Variants in FILIP1L observed in about 807,000 individuals in gnomAD.
The protein encoded by FILIP1L is filamin A-interacting protein 1-like.
In FILIP1L, 55 loss-of-function variants were observed where a neutral mutation model predicts 96.6. The ratio of observed to expected loss-of-function variants is 0.57; its 90% CI spans 0.46 to 0.71. The LOEUF is 0.71. Ranked by LOEUF, FILIP1L falls within the 30% of genes least tolerant of loss-of-function variation. The probability of loss-of-function intolerance (pLI) is 0.00; values close to 1 mark genes in which losing one functional copy is unlikely to be tolerated. For missense variants in FILIP1L, 1,304 were observed against 1,321.2 expected (o/e 0.99, Z 0.20); for synonymous variants, 467 against 473.9 (o/e 0.99, Z 0.19).
At chr3:100,103,431 G>A (rs369985076) in intron 1 of FILIP1L, among the ~76,000 whole-genome samples, 1 of 152,210 alleles carries the variant, frequency 6.6e-6, no homozygotes, top group Admixed American at 6.5e-5. Flanking sequence ...TGGGATAACT[G>A]TTTTAATATT....
intron 1 of FILIP1L, among the ~76,000 whole-genome samples, chr3:100,108,704 G>A (rs182541202): frequency 1.3e-5 from 2 of 152,260 alleles, no homozygotes; most frequent in Admixed American, 1.3e-4. Context: ...ACAGTGTCTG[G>A]CACTCGTTTG....
intron 1 of FILIP1L, among the ~76,000 whole-genome samples, chr3:99,961,603 AT>A (rs1362536762): frequency 6.6e-6 from 1 of 152,078 alleles, no homozygotes; most frequent in Non-Finnish European, 1.5e-5. Flanking sequence ...TTGCCATATT[AT>A]TTTGGGGAGC....
intron 5 of FILIP1L, among the ~76,000 whole-genome samples, chr3:99,835,925 A>G (rs1942877946): frequency 6.6e-6 from 1 of 152,192 alleles, no homozygotes; most frequent in African/African-American, 2.4e-5. Context: ...TACAAACAGC[A>G]TGATCAAAGG....
At chr3:99,859,369 A>G (rs1042702923) in intron 4 of FILIP1L, among the ~76,000 whole-genome samples, 2 of 152,264 alleles carry the variant, frequency 1.3e-5, no homozygotes, top group Non-Finnish European at 1.5e-5. Context: ...TGATGATACC[A>G]AAGCTTGTTT....
chr3:99,883,634 C>G (rs1705801287), intron 4 of FILIP1L, among the ~76,000 whole-genome samples: 1 of 152,242 alleles, frequency 6.6e-6, no homozygotes, highest in African/African-American at 2.4e-5. Context: ...ACTGCACACC[C>G]AAATGTTGTC....
chr3:99,999,274 T>C (rs1709774522), intron 1 of FILIP1L, among the ~76,000 whole-genome samples: 1 of 152,210 alleles, frequency 6.6e-6, no homozygotes, highest in Admixed American at 6.5e-5. Context: ...AGAGGGGCAC[T>C]GTCTCATAGC....
chr3:99,841,200 C>T (rs1943114430), intron 5 of FILIP1L, among the ~76,000 whole-genome samples: 1 of 152,218 alleles, frequency 6.6e-6, no homozygotes, highest in South Asian at 2.1e-4. Flanking sequence ...GGATCGTTTC[C>T]ACTCACTTGA....
chr3:99,879,389 GA>G (rs1223304615), intron 4 of FILIP1L, among the ~76,000 whole-genome samples: 1 of 152,202 alleles, frequency 6.6e-6, no homozygotes, highest in Non-Finnish European at 1.5e-5. Context: ...TGTTATTAGT[GA>G]AGTCAGTTGC....
At position 99,829,599 on chromosome 3, in the gene FILIP1L, G is replaced by C. The variant is rs1459086769; in HGVS notation, c.*815C>G. ...CGTTGTCACATGAATGAAAATCTAG[G>C]ATTGGAATTTGAGTCTCCTAACCCC... On this transcript the variant is annotated 3_prime_UTR_variant, in exon 6 of 6. Coordinates refer to ENST00000477258, the MANE Select transcript of FILIP1L (RefSeq NM_001387850.1). Among the ~76,000 whole-genome samples, 1 of 152,178 alleles carries C rather than the reference G, an allele frequency of 6.6e-6. No individual in the cohort carries two copies. Among genetic ancestry groups the C allele is most frequent in the East Asian group, 1.9e-4 (1 of 5,190 alleles).
chr3:99,845,571 T>G (rs946603514), intron 5 of FILIP1L, among the ~76,000 whole-genome samples: 1 of 152,188 alleles, frequency 6.6e-6, no homozygotes, highest in African/African-American at 2.4e-5. Flanking sequence ...GTTCTATGAT[T>G]ATCTGTCAAT....
intron 1 of FILIP1L, among the ~76,000 whole-genome samples, chr3:100,085,646 T>A (rs2065997203): frequency 6.6e-6 from 1 of 152,218 alleles, no homozygotes; most frequent in Non-Finnish European, 1.5e-5. Context: ...CCGTCTCTCA[T>A]GAGGGAATGA....
chr3:100,034,319 C>T (rs1054176684), intron 1 of FILIP1L, among the ~76,000 whole-genome samples: 1 of 152,164 alleles, frequency 6.6e-6, no homozygotes, highest in Non-Finnish European at 1.5e-5. Context: ...AATGTACACT[C>T]ATGGCAGCAG....
At chr3:99,991,952 ATATATGTGTG>A (rs1306504631) in intron 1 of FILIP1L, among the ~76,000 whole-genome samples, 1 of 146,884 alleles carries the variant, frequency 6.8e-6, no homozygotes, top group Non-Finnish European at 1.5e-5. Context: ...ATATATGTGT[ATATATGTGTG>A]TATATATACA....
intron 1 of FILIP1L, among the ~76,000 whole-genome samples, chr3:99,938,088 C>T (rs1244840545): frequency 1.3e-5 from 2 of 151,380 alleles, no homozygotes; most frequent in Non-Finnish European, 3.0e-5. Context: ...CGCGCGCGCG[C>T]GCGTGCATGC....
intron 1 of FILIP1L, among the ~76,000 whole-genome samples, chr3:99,940,156 T>C (rs551500622): frequency 4.3e-4 from 66 of 152,362 alleles, no homozygotes; most frequent in African/African-American, 1.5e-3. Flanking sequence ...TCAGTGACTC[T>C]TTAAAGATTC....
chr3:100,114,483 CGTGAGCACGTCT>C lies in FILIP1L; in HGVS notation c.-453_-442del, dbSNP rs1487242091. 6.5e-6 allele frequency: 1 copy of C among 154,690 alleles called. No homozygotes were observed. Among genetic ancestry groups the C allele is most frequent in the Non-Finnish European group, 1.4e-5 (1 of 70,124 alleles). The allele number at this position is 154,690 out of a possible 1,614,324, so 9.6% of individuals were successfully genotyped here. A position where few individuals can be genotyped will look rare whatever the true frequency, so the allele number is the denominator to read the frequency against. On this transcript the variant is annotated 5_prime_UTR_variant, in exon 1 of 6. Coordinates refer to ENST00000477258, the MANE Select transcript of FILIP1L (RefSeq NM_001387850.1). ...GACAAGTAGAGGCAGGCACAGGCTC[CGTGAGCACGTCT>C]GTGTGTGTGTGTGTGTGTCTGTGTA...
chr3:99,938,060 TGTGTGTGTGTGTGTGC>T (rs899681380), intron 1 of FILIP1L, among the ~76,000 whole-genome samples: 1 of 90,188 alleles, frequency 1.1e-5, no homozygotes, highest in African/African-American at 4.7e-5. Flanking sequence ...AGTGTGTGTG[TGTGTGTGTGTGTGTGC>T]GCGCGCGCGC....
chr3:100,081,107 C>T (rs1457023443), intron 1 of FILIP1L, among the ~76,000 whole-genome samples: 1 of 152,186 alleles, frequency 6.6e-6, no homozygotes, highest in Non-Finnish European at 1.5e-5. Flanking sequence ...TTCTAGCCCC[C>T]TTATTTGATG....
chr3:100,039,804 A>T (rs1280271264), intron 1 of FILIP1L: 1 of 146,802 alleles, frequency 6.8e-6, no homozygotes, highest in African/African-American at 2.5e-5. Flanking sequence ...CCCAGGCTGG[A>T]GTGCAGTGGC....
Sources: gnomAD v4.1 joint callset for allele counts (sites outside exome capture counted in the v4.1 genomes callset) on GRCh38, gnomAD v4.1.1 for gene constraint, MANE v1.5 for transcripts, NCBI Gene and HGNC (gene_info 2026-07-23, HGNC 2026-07-21) for gene names.